GPATCH2L: variants seen among roughly 807,000 people sequenced by gnomAD.
GPATCH2L encodes G-patch domain containing 2 like.
A neutral mutation model predicts 57.4 loss-of-function variants in GPATCH2L; 31 were observed. That is an observed-to-expected ratio of 0.54 (90% CI 0.41 to 0.73). The LOEUF (loss-of-function observed/expected upper bound fraction) is 0.73. Among genes scored for constraint, GPATCH2L ranks in the 30% least tolerant of loss-of-function variants. GPATCH2L has a pLI of 0.00. For missense variants in GPATCH2L, 481 were observed against 599.9 expected (o/e 0.80, Z 2.07); for synonymous variants, 199 against 210.7 (o/e 0.94, Z 0.48).
intron 6 of GPATCH2L, 137 bp from the exon 7 acceptor site, chr14:76,177,851 T>C (rs761444095): frequency 9.7e-6 from 13 of 1,345,166 alleles, no homozygotes; most frequent in Non-Finnish European, 1.4e-5. Flanking sequence ...CTATCACTTC[T>C]TTTATTGTTT....
downstream of GPATCH2L, among the ~76,000 whole-genome samples, chr14:76,215,095 T>G (rs75754261): frequency 0.011 from 1,612 of 151,786 alleles, 27 homozygotes; most frequent in African/African-American, 0.037. Flanking sequence ...AGAATAATAA[T>G]AAGAAATGAA....
At chr14:76,176,443 A>G (rs2039331786) in intron 5 of GPATCH2L, 180 bp from the exon 6 acceptor site, 1 of 603,564 alleles carries the variant, frequency 1.7e-6, no homozygotes, top group Non-Finnish European at 3.0e-6. Context: ...GTAACATGTA[A>G]TACTTTTAAG....
chr14:76,177,655 C>A lies in GPATCH2L; in HGVS notation c.1053-333C>A, dbSNP rs2039386691. ...TAATCTTGGGTTTATTTCTGTTGTT[C>A]AGTCTTTTACATTCCATTACAAGCC... On this transcript the variant is annotated intron_variant, in intron 6 of 9. Transcript: ENST00000261530. Among the ~76,000 whole-genome samples the A allele has an allele frequency of 2.0e-5, 3 of 148,220 alleles. 1 individual carries two copies. Among genetic ancestry groups the A allele is most frequent in the Admixed American group, 2.0e-4 (3 of 14,888 alleles).
intron 9 of GPATCH2L, among the ~76,000 whole-genome samples, chr14:76,199,949 A>G (rs1369492282): frequency 6.6e-6 from 1 of 152,202 alleles, no homozygotes; most frequent in Non-Finnish European, 1.5e-5. Context: ...GATGAACACA[A>G]TTTGCCGTAT....
chr14:76,221,818 G>A (rs758305964), intron 1 of GPATCH2L, among the ~76,000 whole-genome samples: 1 of 152,164 alleles, frequency 6.6e-6, no homozygotes, highest in African/African-American at 2.4e-5. Flanking sequence ...GGGTTAGATG[G>A]GAAGGAGAGG....
chr14:76,214,875 T>C (rs1260219365), downstream of GPATCH2L, among the ~76,000 whole-genome samples: 1 of 152,168 alleles, frequency 6.6e-6, no homozygotes, highest in Non-Finnish European at 1.5e-5. Context: ...AGGTTTTTTT[T>C]TCTCTTTTTC....
intron 3 of GPATCH2L, among the ~76,000 whole-genome samples, chr14:76,169,105 T>G (rs2038972868): frequency 6.6e-6 from 1 of 152,218 alleles, no homozygotes; most frequent in Non-Finnish European, 1.5e-5. Context: ...TCCACCTTTG[T>G]GAATAGTCAC....
At position 76,183,583 on chromosome 14, in the gene GPATCH2L, C is replaced by T. The variant is rs374572696; in HGVS notation, c.1193+2734C>T. On this transcript the variant is annotated intron_variant, in intron 8 of 9. Transcript: ENST00000261530. ...ATAATTTTTTTTCAGATTTTTTACT[C>T]ATGAGGGTGCACCTCAATAAAGCTT... Among the ~76,000 whole-genome samples the T allele has an allele frequency of 6.1e-4, 93 of 152,160 alleles. No homozygotes were observed. In the South Asian group the frequency reaches 9.8e-3, roughly 16 times the overall value.
intron 7 of GPATCH2L, chr14:76,179,306 T>C (rs1366727043): frequency 2.6e-5 from 4 of 152,188 alleles, no homozygotes; most frequent in Non-Finnish European, 5.9e-5. Context: ...CACGGAAATA[T>C]AGTAAGGACA....
At position 76,154,410 on chromosome 14, in the gene GPATCH2L, C is replaced by T; in HGVS notation, c.47C>T (p.Ser16Phe). Residue 16 changes from serine to phenylalanine, a missense_variant, in exon 2 of 10, where the codon TCT becomes TTT. By Grantham distance (155) the Ser-to-Phe change is radical. Transcript: ENST00000261530. The surrounding 1 kb of genome is among the most constrained non-coding windows in gnomAD (Gnocchi z 4.4). ...HDLASALEQT[S>F]EQNKLGELWE... ...TTAGCCTCAGCCTTGGAGCAGACATCTGAGCAGAATAAGCTTGGTGAACTG... is the reference window on the plus strand; with the variant it reads ...TTAGCCTCAGCCTTGGAGCAGACATTTGAGCAGAATAAGCTTGGTGAACTG... 2 of 1,613,500 alleles carry T rather than the reference C, an allele frequency of 1.2e-6. No individual in the cohort carries two copies. Among genetic ancestry groups the T allele is most frequent in the Non-Finnish European group, 1.7e-6 (2 of 1,179,500 alleles).
At chr14:76,220,008 G>A (rs980539867) in intron 1 of GPATCH2L, among the ~76,000 whole-genome samples, 9 of 152,084 alleles carry the variant, frequency 5.9e-5, no homozygotes, top group African/African-American at 1.7e-4. Flanking sequence ...GGCAAATCGT[G>A]CATGAAATCC....
intron 3 of GPATCH2L, among the ~76,000 whole-genome samples, chr14:76,168,224 A>G (rs2038930874): frequency 6.6e-6 from 1 of 152,242 alleles, no homozygotes; most frequent in Non-Finnish European, 1.5e-5. Context: ...ATCTACCAAG[A>G]CACAGTTTTC....
At chr14:76,221,580 A>G (rs1447219737) in intron 1 of GPATCH2L, among the ~76,000 whole-genome samples, 2 of 151,746 alleles carry the variant, frequency 1.3e-5, no homozygotes, top group Non-Finnish European at 2.9e-5. Flanking sequence ...TAATTGCCCA[A>G]GATGTCTTTC....
At chr14:76,227,552 A>G (rs1018885027) in intron 1 of GPATCH2L, among the ~76,000 whole-genome samples, 2 of 152,244 alleles carry the variant, frequency 1.3e-5, no homozygotes, top group East Asian at 3.8e-4. Context: ...TTTGCAACCC[A>G]CAGCTTCAGT....
downstream of GPATCH2L, among the ~76,000 whole-genome samples, chr14:76,217,204 GTGTTT>G (rs1454371984): frequency 2.0e-5 from 3 of 152,160 alleles, no homozygotes; most frequent in Non-Finnish European, 4.4e-5. Flanking sequence ...GCTAAGAACG[GTGTTT>G]TGTTTTGTTT....
chr14:76,169,997 C>T (rs766629433), intron 3 of GPATCH2L, among the ~76,000 whole-genome samples: 10 of 152,144 alleles, frequency 6.6e-5, no homozygotes, highest in Non-Finnish European at 8.8e-5. Context: ...AAGGGCTCAG[C>T]AGTCCATGTT....
At chr14:76,201,586 T>C (rs1302249995) in intron 9 of GPATCH2L, 105 bp from the exon 10 acceptor site, 2 of 782,036 alleles carry the variant, frequency 2.6e-6, no homozygotes, top group Non-Finnish European at 3.9e-6. Context: ...ACATGAAGTA[T>C]AAGGATTAAG....
At chr14:76,198,565 C>T (rs1290097870) in intron 9 of GPATCH2L, among the ~76,000 whole-genome samples, 5 of 152,156 alleles carry the variant, frequency 3.3e-5, no homozygotes, top group Non-Finnish European at 5.9e-5. Context: ...CTGTTGAGAA[C>T]CCAGCTATTT....
intron 2 of GPATCH2L, among the ~76,000 whole-genome samples, chr14:76,165,882 A>C (rs142427762): frequency 6.6e-6 from 1 of 152,180 alleles, no homozygotes; most frequent in South Asian, 2.1e-4. Flanking sequence ...TGAAAAAAAA[A>C]TTTTTGACTC....
Sources: allele counts gnomAD v4.1 joint callset (sites outside exome capture counted in the v4.1 genomes callset), GRCh38; gene constraint gnomAD v4.1.1; non-coding constraint Gnocchi (gnomAD v3.1); transcripts MANE v1.5; gene names NCBI Gene and HGNC (gene_info 2026-07-23, HGNC 2026-07-21).